The following CDH11 variants were observed in gnomAD, a reference collection of about 807,000 sequenced individuals.
CDH11 encodes cadherin-11.
A neutral mutation model predicts 67.8 loss-of-function variants in CDH11; 11 were observed. The ratio of observed to expected loss-of-function variants is 0.16; its 90% confidence interval spans 0.10 to 0.27. CDH11 has a LOEUF of 0.27. CDH11 is among the 10% of genes least tolerant of loss of function. CDH11 has a pLI of 1.00. For missense variants in CDH11, 847 were observed against 1,031.2 expected, an observed-to-expected ratio of 0.82 and a Z score of 2.45; for synonymous variants, 419 against 400.0, an observed-to-expected ratio of 1.05 and a Z score of -0.57.
At chr16:65,015,461 C>T (rs1237843580) in intron 2 of CDH11, among the ~76,000 whole-genome samples, 2 of 151,510 alleles carry the variant, frequency 1.3e-5, no homozygotes, top group African/African-American at 2.4e-5. Flanking sequence ...AAAACAAAAC[C>T]CAGAACCTAA....
At chr16:65,080,448 A>G (rs2074591008) in intron 1 of CDH11, among the ~76,000 whole-genome samples, 1 of 152,206 alleles carries the variant, frequency 6.6e-6, no homozygotes. Flanking sequence ...ATTAACAAAC[A>G]CACCAGTATG....
In CDH11 at chr16:64,946,224, G is replaced by C. The variant is rs1042661998; in HGVS notation, c.*1379C>G. ...TTTACAATTAGTTAAAATTACAGGA[G>C]GAAAAATAAGCAGTTTCAACTATCA... On this transcript the variant is annotated 3_prime_UTR_variant, in exon 13 of 13. Transcript: ENST00000268603. 6 of 1,049,236 alleles carry C rather than the reference G, an allele frequency of 5.7e-6. No homozygotes were observed. Among genetic ancestry groups the C allele is most frequent in the Non-Finnish European group, 6.9e-6 (6 of 869,322 alleles). 65.0% of individuals were successfully genotyped at this position (1,049,236 alleles called of 1,614,324 possible).
chr16:64,962,221 T>C (rs2071691643), intron 11 of CDH11, among the ~76,000 whole-genome samples: 1 of 152,082 alleles, frequency 6.6e-6, no homozygotes, highest in Non-Finnish European at 1.5e-5. Flanking sequence ...ATACTAAAAA[T>C]AGTGACTAAG....
intron 1 of CDH11, among the ~76,000 whole-genome samples, chr16:65,093,785 G>T (rs1256867112): frequency 1.3e-5 from 2 of 152,078 alleles, no homozygotes; most frequent in Admixed American, 1.3e-4. Context: ...GGTAATTTCA[G>T]TATGTTCTTA....
chr16:65,062,053 T>A (rs1023999655), intron 1 of CDH11, among the ~76,000 whole-genome samples: 3 of 152,190 alleles, frequency 2.0e-5, no homozygotes, highest in Admixed American at 6.5e-5. Flanking sequence ...AGCTGTACTC[T>A]ACTCCATTCT....
intron 1 of CDH11, among the ~76,000 whole-genome samples, chr16:65,100,610 C>T (rs1386299084): frequency 9.2e-5 from 14 of 151,518 alleles, no homozygotes; most frequent in South Asian, 4.2e-4. Flanking sequence ...TCGTGGCGGG[C>T]GCCTGTGATC....
chr16:65,119,945 T>A (rs1286622951), intron 1 of CDH11, among the ~76,000 whole-genome samples: 1 of 152,202 alleles, frequency 6.6e-6, no homozygotes, highest in African/African-American at 2.4e-5. Context: ...GAGGTTCGAA[T>A]TCCAGAGCCC....
rs1039937307 is a variant in CDH11, at chr16:65,039,781, G to A, written c.-173+14023C>T. Reference sequence around the variant, plus strand: ...CATCAGAGTGAACAGGCAACCTACAGAATGGGCGAAAATTTTTGCAGTCTA... The same window carrying A: ...CATCAGAGTGAACAGGCAACCTACAAAATGGGCGAAAATTTTTGCAGTCTA... On this transcript the variant is annotated intron_variant, in intron 2 of 12. Coordinates refer to ENST00000268603, the MANE Select transcript of CDH11 (RefSeq NM_001797.4). 2.0e-5 allele frequency among the ~76,000 whole-genome samples: 3 copies of A among 152,090 alleles called. No homozygotes were observed. The South Asian group carries it at 6.2e-4, about 32-fold the overall frequency.
At chr16:65,123,457 C>A (rs905313856), upstream of CDH11, among the ~76,000 whole-genome samples, 7 of 151,830 alleles carry the variant, frequency 4.6e-5, no homozygotes, top group Non-Finnish European at 7.4e-5. Flanking sequence ...CAGGAGTTAA[C>A]GGAAAAAGAG....
Position 64,945,593 on chromosome 16 carries a change from A to C in CDH11, c.*2010T>G, listed in dbSNP as rs1323912143. On this transcript the variant is annotated 3_prime_UTR_variant, in exon 13 of 13. Coordinates refer to ENST00000268603, the MANE Select transcript of CDH11 (RefSeq NM_001797.4). Reference sequence around the variant, plus strand: ...TGGATTACAAAAACTATATAAAAAAATGAACACAACCTGCAATTATGGAAG... The same window carrying C: ...TGGATTACAAAAACTATATAAAAAACTGAACACAACCTGCAATTATGGAAG... The C allele has an allele frequency of 9.7e-7, 1 of 1,032,028 alleles. No individual in the cohort carries two copies. 63.9% of individuals were successfully genotyped at this position (1,032,028 alleles called of 1,614,324 possible). A position where few individuals can be genotyped will look rare whatever the true frequency, so the allele number is the denominator to read the frequency against.
chr16:65,098,867 G>A (rs964108241), intron 1 of CDH11, among the ~76,000 whole-genome samples: 9 of 152,164 alleles, frequency 5.9e-5, no homozygotes, highest in African/African-American at 1.2e-4. Flanking sequence ...GAGGTGGGGC[G>A]TGTAGTCTTC....
At chr16:65,118,976 C>T (rs1002049087) in intron 1 of CDH11, 16 of 152,144 alleles carry the variant, frequency 1.1e-4, no homozygotes, top group African/African-American at 3.9e-4. Flanking sequence ...TATAAGAGAT[C>T]AAAGTTTACC....
At position 65,001,494 on chromosome 16, in the gene CDH11, C is replaced by A. The variant is rs567009342; in HGVS notation, c.229-2638G>T. Among the ~76,000 whole-genome samples, 4 of 152,164 alleles carry A rather than the reference C, an allele frequency of 2.6e-5. No individual in the cohort carries two copies. In the East Asian group the frequency reaches 5.8e-4, roughly 22 times the overall value. On this transcript the variant is annotated intron_variant, in intron 3 of 12. Coordinates refer to ENST00000268603, the MANE Select transcript of CDH11 (RefSeq NM_001797.4). ...GGCAGAAGTTAAGGGCAAGGACATA[C>A]GAATGAGGAACAAGAAAGTATAAAT...
chr16:65,029,557 G>C (rs1473725559), intron 2 of CDH11, among the ~76,000 whole-genome samples: 1 of 152,190 alleles, frequency 6.6e-6, no homozygotes, highest in Admixed American at 6.5e-5. Flanking sequence ...AGAAAAGCAT[G>C]ATGAGGAGGA....
At chr16:64,959,976 C>T (rs1461475525) in intron 11 of CDH11, among the ~76,000 whole-genome samples, 7 of 152,182 alleles carry the variant, frequency 4.6e-5, no homozygotes, top group Non-Finnish European at 7.4e-5. Context: ...TATGTCTTTG[C>T]TTGCCTGCTT....
upstream of CDH11, chr16:65,122,076 G>C (rs1447171898): frequency 6.5e-6 from 4 of 618,290 alleles, no homozygotes; most frequent in Non-Finnish European, 1.1e-5. Flanking sequence ...GCCGCCGAGC[G>C]CGCTAGTGGC....
At chr16:65,014,626 ATTGCAATAG>A (rs1429630649) in intron 2 of CDH11, among the ~76,000 whole-genome samples, 5 of 151,964 alleles carry the variant, frequency 3.3e-5, no homozygotes, top group African/African-American at 1.2e-4. Flanking sequence ...TTCTGGAGGC[ATTGCAATAG>A]TTCAGGTGAG....
intron 11 of CDH11, among the ~76,000 whole-genome samples, chr16:64,963,372 A>G (rs2071724667): frequency 1.3e-5 from 2 of 152,196 alleles, no homozygotes; most frequent in Non-Finnish European, 2.9e-5. Context: ...TCTGAGCTTG[A>G]GAATAGATCA....
intron 1 of CDH11, among the ~76,000 whole-genome samples, chr16:65,104,417 T>C (rs1214780566): frequency 6.6e-6 from 1 of 152,214 alleles, no homozygotes; most frequent in Non-Finnish European, 1.5e-5. Flanking sequence ...TTTCTCTCTA[T>C]AGAGCAGAAA....
Sources: allele counts gnomAD v4.1 joint callset (sites outside exome capture counted in the v4.1 genomes callset), GRCh38; gene constraint gnomAD v4.1.1; transcripts MANE v1.5; gene names NCBI Gene and HGNC (gene_info 2026-07-23, HGNC 2026-07-21).